The following RSU1 variants were observed in gnomAD, a reference collection of about 807,000 sequenced individuals.
RSU1 encodes the protein rsu-1.
Under a neutral mutation model 31.1 loss-of-function variants are expected in RSU1, and 26 were observed. The observed-to-expected ratio is 0.84, with a 90% CI of 0.61 to 1.16. The LOEUF is 1.16. Ranked by LOEUF, RSU1 falls within the 50% of genes most tolerant of loss-of-function variation. RSU1 has a pLI of 0.00. For missense variants in RSU1, 320 were observed against 339.1 expected (o/e 0.94, Z 0.44); for synonymous variants, 164 against 136.3 (o/e 1.20, Z -1.41).
At chr10:16,742,173 A>G (rs1251165509) in intron 7 of RSU1, among the ~76,000 whole-genome samples, 1 of 152,218 alleles carries the variant, frequency 6.6e-6, no homozygotes, top group African/African-American at 2.4e-5. Flanking sequence ...TACTAATATT[A>G]GAATGCTATC....
At chr10:16,668,461 C>T (rs563856131) in intron 8 of RSU1, among the ~76,000 whole-genome samples, 4 of 152,140 alleles carry the variant, frequency 2.6e-5, no homozygotes, top group African/African-American at 7.2e-5. Flanking sequence ...TTGGGTTGGT[C>T]ATTTAATCAT....
At chr10:16,645,206 G>A (rs1338732809) in intron 8 of RSU1, among the ~76,000 whole-genome samples, 6 of 152,176 alleles carry the variant, frequency 3.9e-5, no homozygotes, top group Non-Finnish European at 5.9e-5. Flanking sequence ...GGCTAGCAAG[G>A]TTGGTGAAGG....
At chr10:16,709,368 G>T (rs1835971350) in intron 7 of RSU1, among the ~76,000 whole-genome samples, 1 of 152,090 alleles carries the variant, frequency 6.6e-6, no homozygotes, top group African/African-American at 2.4e-5. Flanking sequence ...GTGTATATGT[G>T]CCACATTTTC....
chr10:16,642,811 C>T (rs1319155386), intron 8 of RSU1, among the ~76,000 whole-genome samples: 4 of 152,158 alleles, frequency 2.6e-5, no homozygotes, highest in Admixed American at 2.0e-4. Context: ...CAGTCTCAAC[C>T]TTTCCAATAG....
intron 8 of RSU1, among the ~76,000 whole-genome samples, chr10:16,655,314 C>A (rs1465958716): frequency 1.3e-5 from 2 of 152,050 alleles, no homozygotes; most frequent in African/African-American, 4.8e-5. Context: ...AAGTAAAAGA[C>A]AAAAGGGCAA....
At chr10:16,616,053 A>C (rs1287550752) in intron 8 of RSU1, among the ~76,000 whole-genome samples, 1 of 152,172 alleles carries the variant, frequency 6.6e-6, no homozygotes, top group African/African-American at 2.4e-5. Context: ...AGACAGGAAA[A>C]ACCCTTTAAA....
chr10:16,777,646 T>C (rs1344948179), intron 3 of RSU1, among the ~76,000 whole-genome samples: 5 of 152,198 alleles, frequency 3.3e-5, no homozygotes, highest in Non-Finnish European at 7.4e-5. Flanking sequence ...AGTCTTAAAA[T>C]GGTTGTCCCC....
chr10:16,651,585 A>C (rs1564301352), intron 8 of RSU1, among the ~76,000 whole-genome samples: 1 of 152,184 alleles, frequency 6.6e-6, no homozygotes, highest in Non-Finnish European at 1.5e-5. Flanking sequence ...GCTCCTCATA[A>C]AGCAAAATCG....
chr10:16,703,656 T>C lies in RSU1; in HGVS notation c.599-8501A>G, dbSNP rs55929727. Reference sequence around the variant, plus strand: ...AAAATTTAATGACATGGGGCAATGGTCATGACATAATATTGAAGGTCAAAA... The same window carrying C: ...AAAATTTAATGACATGGGGCAATGGCCATGACATAATATTGAAGGTCAAAA... On this transcript the variant is annotated intron_variant, in intron 7 of 8. Coordinates refer to ENST00000345264, the MANE Select transcript of RSU1 (RefSeq NM_012425.4). Among the ~76,000 whole-genome samples the C allele has an allele frequency of 5.6e-3, 848 of 152,290 alleles. 5 individuals carry two copies. The highest frequency in any genetic ancestry group is 0.031 in the South Asian group (149 of 4,826).
At chr10:16,805,535 G>C (rs1838248318) in intron 2 of RSU1, among the ~76,000 whole-genome samples, 1 of 151,834 alleles carries the variant, frequency 6.6e-6, no homozygotes, top group African/African-American at 2.4e-5. Context: ...AGTTAGCCAG[G>C]CGTTGTGGCG....
intron 8 of RSU1, among the ~76,000 whole-genome samples, chr10:16,673,335 T>C (rs1835154405): frequency 6.6e-6 from 1 of 152,192 alleles, no homozygotes. Context: ...TGCTCCAACA[T>C]GAACAGAGCA....
At chr10:16,681,431 T>C (rs1835325963) in intron 8 of RSU1, among the ~76,000 whole-genome samples, 1 of 152,184 alleles carries the variant, frequency 6.6e-6, no homozygotes, top group Admixed American at 6.5e-5. Flanking sequence ...AAAAGGTTGA[T>C]CTGGTAATTT....
At chr10:16,635,070 A>G (rs1177376698) in intron 8 of RSU1, among the ~76,000 whole-genome samples, 1 of 152,214 alleles carries the variant, frequency 6.6e-6, no homozygotes, top group Non-Finnish European at 1.5e-5. Flanking sequence ...ACGTCCATAA[A>G]TGAATGTTCA....
chr10:16,805,160 T>C (rs1227376780), intron 2 of RSU1, among the ~76,000 whole-genome samples: 1 of 151,832 alleles, frequency 6.6e-6, no homozygotes, highest in South Asian at 2.1e-4. Context: ...TGAGCCCAGA[T>C]CACACCATTG....
At chr10:16,785,086 C>T (rs1329921855) in intron 2 of RSU1, among the ~76,000 whole-genome samples, 1 of 152,026 alleles carries the variant, frequency 6.6e-6, no homozygotes, top group Non-Finnish European at 1.5e-5. Context: ...AGGGTGTTGC[C>T]AAAGGAGATT....
At chr10:16,758,142 G>A (rs1837135221) in intron 4 of RSU1, among the ~76,000 whole-genome samples, 1 of 150,856 alleles carries the variant, frequency 6.6e-6, no homozygotes. Context: ...AGTAACAGTG[G>A]TAGGCACACC....
At chr10:16,673,186 G>C (rs10752057) in intron 8 of RSU1, among the ~76,000 whole-genome samples, 42,806 of 151,954 alleles carry the variant, frequency 0.28, 6,201 homozygotes, top group African/African-American at 0.34. Flanking sequence ...GTCCCGCTGG[G>C]AGAAGCGTTC....
At chr10:16,680,234 T>C (rs922298154) in intron 8 of RSU1, among the ~76,000 whole-genome samples, 5 of 151,814 alleles carry the variant, frequency 3.3e-5, no homozygotes, top group Admixed American at 3.3e-4. Context: ...TAACGGGGTA[T>C]CAAAAACAGT....
At chr10:16,776,819 A>AC (rs1837542816) in intron 3 of RSU1, among the ~76,000 whole-genome samples, 1 of 152,012 alleles carries the variant, frequency 6.6e-6, no homozygotes, top group African/African-American at 2.4e-5. Context: ...AAAAAAAAAA[A>AC]AAAAAACTAC....
Sources: allele counts gnomAD v4.1 joint callset (sites outside exome capture counted in the v4.1 genomes callset), GRCh38; gene constraint gnomAD v4.1.1; transcripts MANE v1.5; gene names NCBI Gene and HGNC (gene_info 2026-07-23, HGNC 2026-07-21).